Variants in CARF observed in about 807,000 individuals in gnomAD.
CARF encodes the protein calcium-responsive transcription factor.
A neutral mutation model predicts 82.0 loss-of-function variants in CARF; 57 were observed. That is an observed-to-expected ratio of 0.70 (90% CI 0.56 to 0.87). The LOEUF is 0.87. Ranked by LOEUF, CARF falls within the 40% of genes least tolerant of loss-of-function variation. The pLI, the probability that CARF is intolerant of heterozygous loss-of-function variation, is 0.00. For missense variants in CARF, 771 were observed against 855.8 expected (o/e 0.90, Z 1.24); for synonymous variants, 268 against 290.1 (o/e 0.92, Z 0.77).
Position 202,963,826 on chromosome 2 carries a change from G to A in CARF, c.832+2400G>A, listed in dbSNP as rs993125762. Among the ~76,000 whole-genome samples, 5 of 152,228 alleles carry A rather than the reference G, an allele frequency of 3.3e-5. No homozygotes were observed. The East Asian group carries it at 9.7e-4, about 29-fold the overall frequency. The stretch of plus-strand genomic sequence containing the variant: ...CGTGTTTCTATGAGAATCTAATGCT[G>A]CCACTGATCTGACAGGAGGCAGAGC... On this transcript the variant is annotated intron_variant, in intron 9 of 16. Transcript: ENST00000438828.
chr2:202,940,301 T>G (rs947291110), intron 3 of CARF, among the ~76,000 whole-genome samples: 1 of 152,026 alleles, frequency 6.6e-6, no homozygotes, highest in Non-Finnish European at 1.5e-5. Flanking sequence ...CCCAGAATGC[T>G]GAGATTACCA....
At chr2:202,928,171 C>T (rs945950458) in intron 3 of CARF, among the ~76,000 whole-genome samples, 2 of 152,176 alleles carry the variant, frequency 1.3e-5, no homozygotes, top group African/African-American at 4.8e-5. Context: ...ATTCTACTCC[C>T]TACTTCTATG....
intron 2 of CARF, among the ~76,000 whole-genome samples, chr2:202,920,246 C>T (rs1476490745): frequency 6.6e-6 from 1 of 151,802 alleles, no homozygotes; most frequent in Non-Finnish European, 1.5e-5. Context: ...GCTCCGCCTC[C>T]CGGGTTCACG....
intron 8 of CARF, 100 bp downstream of exon 8, chr2:202,955,858 T>TA (rs1027369928): frequency 7.2e-6 from 5 of 697,200 alleles, no homozygotes; most frequent in Non-Finnish European, 2.3e-6. Flanking sequence ...AGTCTATAGT[T>TA]ACAGTATTTT....
intron 8 of CARF, among the ~76,000 whole-genome samples, chr2:202,960,743 CGCCTTCCT>C (rs1043897516): frequency 6.6e-6 from 1 of 150,642 alleles, no homozygotes; most frequent in African/African-American, 2.4e-5. Context: ...CCCGCCTTCC[CGCCTTCCT>C]GCCTTCCCTC....
Position 202,983,757 on chromosome 2 carries a change from C to T in CARF, c.*133C>T, listed in dbSNP as rs951345156. On this transcript the variant is annotated 3_prime_UTR_variant, in exon 17 of 17. Coordinates refer to ENST00000438828, the MANE Select transcript of CARF (RefSeq NM_024744.17). ...TTTGATGAGAAGCTTTTATTTAAAA[C>T]TGATATATTTGTTGCCAGTTCCATA... is the stretch of plus-strand genomic sequence containing the variant. 3 of 648,050 alleles carry T rather than the reference C, an allele frequency of 4.6e-6. No individual in the cohort carries two copies. The highest frequency in any genetic ancestry group is 2.8e-5 in the East Asian group (1 of 35,834). 40.1% of individuals were successfully genotyped at this position (648,050 alleles called of 1,614,324 possible).
rs764518938 is a variant in CARF at position 202,954,099 on chromosome 2, A to C, written c.522A>C (p.Gln174His). The C allele has an allele frequency of 6.2e-7, 1 of 1,613,340 alleles. No individual in the cohort carries two copies. Among genetic ancestry groups the C allele is most frequent in the East Asian group, 2.2e-5 (1 of 44,782 alleles). ...CCAGCAATTACATTCTTCATCCTCA[A>C]ACATCCTTCCCATTGCCCAAAAAGT... is the stretch of plus-strand genomic sequence containing the variant. ...DNTSNYILHP[Q>H]TSFPLPKKSV... The change falls in exon 7 of 17, where the codon CAA becomes CAC. Residue 174 changes from glutamine to histidine, a missense_variant. By Grantham distance (24) the Gln-to-His change is conservative. Coordinates refer to ENST00000438828, the MANE Select transcript of CARF (RefSeq NM_024744.17).
At chr2:202,918,694 A>G (rs1265456154) in intron 2 of CARF, among the ~76,000 whole-genome samples, 1 of 152,192 alleles carries the variant, frequency 6.6e-6, no homozygotes, top group African/African-American at 2.4e-5. Flanking sequence ...GGTAAAGCAA[A>G]TTGATGGAAG....
chr2:202,930,119 C>T (rs1350385598), intron 3 of CARF, among the ~76,000 whole-genome samples: 1 of 152,132 alleles, frequency 6.6e-6, no homozygotes, highest in Non-Finnish European at 1.5e-5. Flanking sequence ...TCGATCTCGG[C>T]TCACTCCAAC....
chr2:202,947,179 A>G (rs116773016), intron 5 of CARF, among the ~76,000 whole-genome samples: 2 of 152,166 alleles, frequency 1.3e-5, no homozygotes, highest in African/African-American at 4.8e-5. Context: ...ATGGACATGT[A>G]TGTTTATTGA....
In CARF at chr2:202,971,734, C is replaced by T. The variant is rs375401100; in HGVS notation, c.1327C>T (p.Leu443=). Residue 443 remains leucine (L), a synonymous_variant, in exon 12 of 17, where the codon CTA becomes TTA. Transcript: ENST00000438828. Reference sequence around the variant, plus strand: ...ACAAGTGTATGCAGTAAGGAAACAGCTAAGGTACAATAGAAGAGCATTGTT... The same window carrying T: ...ACAAGTGTATGCAGTAAGGAAACAGTTAAGGTACAATAGAAGAGCATTGTT... ...IEQVYAVRKQ[L]RKFVERELFK... is the part of the protein sequence containing the mutation. 1.6e-5 allele frequency: 25 copies of T among 1,601,418 alleles called. No individual in the cohort carries two copies. In the African/African-American group the frequency reaches 2.7e-4, roughly 17 times the overall value.
At position 202,954,112 on chromosome 2, in the gene CARF, T is replaced by A; in HGVS notation, c.535T>A (p.Leu179Met). The change falls in exon 7 of 17, where the codon TTG becomes ATG. Residue 179 changes from leucine to methionine, a missense_variant. Physicochemically the swap from Leu to Met is conservative, Grantham distance 15 (BLOSUM62 2). Coordinates refer to ENST00000438828, the MANE Select transcript of CARF (RefSeq NM_024744.17). ...TCTTCATCCTCAAACATCCTTCCCA[T>A]TGCCCAAAAAGTCAGTGACCGGGTG... ...YILHPQTSFPLPKKSVTGMLE... is the reference protein window; with the variant it reads ...YILHPQTSFPMPKKSVTGMLE... The A allele has an allele frequency of 6.2e-7, 1 of 1,613,118 alleles. No individual in the cohort carries two copies. The highest frequency in any genetic ancestry group is 2.2e-5 in the East Asian group (1 of 44,756).
At chr2:202,949,520 TTATTA>T (rs1373296882) in intron 5 of CARF, among the ~76,000 whole-genome samples, 5,351 of 89,924 alleles carry the variant, frequency 0.06, 190 homozygotes, top group African/African-American at 0.14. Flanking sequence ...TATTTATTTA[TTATTA>T]TTATTATTAT....
At chr2:202,931,396 T>C (rs1692915439) in intron 3 of CARF, among the ~76,000 whole-genome samples, 1 of 152,254 alleles carries the variant, frequency 6.6e-6, no homozygotes, top group Non-Finnish European at 1.5e-5. Flanking sequence ...CAGCCAATAG[T>C]AAGCTATTAG....
At chr2:202,914,249 A>AC (rs1334405423) in intron 1 of CARF, among the ~76,000 whole-genome samples, 1 of 152,140 alleles carries the variant, frequency 6.6e-6, no homozygotes, top group Admixed American at 6.5e-5. Context: ...TGGAAAATAC[A>AC]TTTCTCTTTA....
chr2:202,978,102 T>C (rs2060106230), intron 14 of CARF, among the ~76,000 whole-genome samples: 1 of 152,196 alleles, frequency 6.6e-6, no homozygotes, highest in Non-Finnish European at 1.5e-5. Context: ...CACCTTGGCC[T>C]CCCAAAGTGG....
chr2:202,982,244 G>A lies in CARF; in HGVS notation c.1862G>A (p.Cys621Tyr), dbSNP rs375667607. 64 of 1,613,948 alleles carry A rather than the reference G, an allele frequency of 4.0e-5. No individual in the cohort carries two copies. The highest frequency in any genetic ancestry group is 8.3e-5 in the Admixed American group (5 of 59,980). ...GQSHSLQRDT[C>Y]LTQNNSTAST... ...AGTCATAGCCTTCAAAGAGATACAT[G>A]CTTAACCCAAAACAATAGTACTGCC... Residue 621 changes from cysteine (C) to tyrosine (Y), a missense_variant, in exon 16 of 17, where the codon TGC (cysteine) becomes TAC (tyrosine). Physicochemically the swap from Cys to Tyr is radical, Grantham distance 194. Coordinates refer to ENST00000438828, the MANE Select transcript of CARF (RefSeq NM_024744.17).
intron 3 of CARF, among the ~76,000 whole-genome samples, chr2:202,926,347 C>T (rs934636762): frequency 2.0e-5 from 3 of 152,128 alleles, no homozygotes; most frequent in Non-Finnish European, 4.4e-5. Flanking sequence ...CAGACAAAAC[C>T]TAGTTCAATT....
intron 5 of CARF, among the ~76,000 whole-genome samples, chr2:202,951,477 A>G (rs1165133071): frequency 1.3e-5 from 2 of 152,152 alleles, no homozygotes; most frequent in Non-Finnish European, 1.5e-5. Flanking sequence ...ATAGGAGAGT[A>G]GTATGTTAAG....
Sources: allele counts gnomAD v4.1 joint callset (sites outside exome capture counted in the v4.1 genomes callset), GRCh38; gene constraint gnomAD v4.1.1; transcripts MANE v1.5; gene names NCBI Gene and HGNC (gene_info 2026-07-23, HGNC 2026-07-21).